The following DNAH10 variants were observed in gnomAD, a reference collection of about 807,000 sequenced individuals.
DNAH10 encodes axonemal beta dynein heavy chain 10.
A neutral mutation model predicts 506.6 loss-of-function variants in DNAH10; 348 were observed. That is an observed-to-expected ratio of 0.69 (90% CI 0.63 to 0.75). The LOEUF (loss-of-function observed/expected upper bound fraction) is 0.75. DNAH10 is among the 30% of genes least tolerant of loss of function. The pLI is 0.00. For synonymous variants in DNAH10, 2,059 were observed against 2,198.6 expected, an observed-to-expected ratio of 0.94 and a Z score of 1.78; for missense variants, 5,179 against 5,787.1, an observed-to-expected ratio of 0.89 and a Z score of 3.41.
chr12:123,921,999 G>C (rs1566107935), intron 65 of DNAH10, among the ~76,000 whole-genome samples: 1 of 151,922 alleles, frequency 6.6e-6, no homozygotes, highest in African/African-American at 2.4e-5. Flanking sequence ...ACAGATGTGA[G>C]CCACCACACC....
At chr12:123,855,679 C>T (rs981070695) in intron 36 of DNAH10, among the ~76,000 whole-genome samples, 12 of 149,824 alleles carry the variant, frequency 8.0e-5, no homozygotes, top group East Asian at 5.8e-4. Flanking sequence ...TATATATATG[C>T]GCACCTAAAG....
chr12:123,810,561 C>T (rs1446934158), intron 19 of DNAH10, among the ~76,000 whole-genome samples: 2 of 152,008 alleles, frequency 1.3e-5, no homozygotes, highest in Non-Finnish European at 2.9e-5. Context: ...GGCGTGGTGG[C>T]GGGCGCCTGT....
intron 46 of DNAH10, among the ~76,000 whole-genome samples, chr12:123,874,261 GTCCGTCCA>G (rs1254455690): frequency 4.5e-4 from 55 of 123,190 alleles, no homozygotes; most frequent in African/African-American, 1.8e-3. Context: ...GCCAGAGTCC[GTCCGTCCA>G]TCCATCCATC....
chr12:123,774,327 T>G, intron 5 of DNAH10, 63 bp downstream of exon 5: 1 of 1,300,370 alleles, frequency 7.7e-7, no homozygotes, highest in Non-Finnish European at 1.1e-6. Flanking sequence ...GGTTTGTTTA[T>G]TCCACAAATA....
Position 123,870,456 on chromosome 12 carries a change from C to G in DNAH10, c.7610C>G (p.Ala2537Gly), listed in dbSNP as rs781313776. ...AAATTAGTTCCAGAGTATATTCATG[C>G]CCCCGAGAGGAAATTCATCAACATC... ...WSKLVPEYIH[A>G]PERKFINILV... Residue 2537 changes from alanine to glycine, a missense_variant, in exon 44 of 79, where the codon GCC becomes GGC. By Grantham distance (60) the Ala-to-Gly change is moderately conservative. Transcript: ENST00000673944. 1.9e-6 allele frequency: 3 copies of G among 1,613,468 alleles called. No individual in the cohort carries two copies. Among genetic ancestry groups the G allele is most frequent in the African/African-American group, 1.3e-5 (1 of 74,852 alleles).
rs752672210 is a variant in DNAH10 at position 123,909,513 on chromosome 12, T to A, written c.9997+71T>A. On this transcript the variant is annotated intron_variant, in intron 58 of 78. Transcript: ENST00000673944. This position sits in a 1 kb window ranked among gnomAD's most constrained non-coding sequence, Gnocchi z 5.4. ...GGCATCTCAGGCTCTGGGACAGGGA[T>A]GGAGGGCAAGGAGGCTTGTCGTGGG... The A allele has an allele frequency of 2.0e-4, 293 of 1,480,524 alleles. No individual in the cohort carries two copies. The highest frequency in any genetic ancestry group is 2.6e-4 in the Non-Finnish European group (284 of 1,109,942). The allele number at this position is 1,480,524 out of a possible 1,614,324, so 91.7% of individuals were successfully genotyped here. A position where few individuals can be genotyped will look rare whatever the true frequency, so the allele number is the denominator to read the frequency against.
intron 35 of DNAH10, among the ~76,000 whole-genome samples, chr12:123,851,860 A>G (rs2136733686): frequency 6.6e-6 from 1 of 152,186 alleles, no homozygotes; most frequent in South Asian, 2.1e-4. Context: ...TGCAGCCTCA[A>G]ACTCCTGGGC....
At chr12:123,833,462 A>G (rs1960793773) in intron 27 of DNAH10, 115 bp downstream of exon 27, 14 of 781,358 alleles carry the variant, frequency 1.8e-5, no homozygotes, top group Non-Finnish European at 2.5e-5. Context: ...CTTAGAAACA[A>G]ATGATCCTCT....
chr12:123,868,064 T>G lies in DNAH10; in HGVS notation c.7464T>G (p.Ala2488=), dbSNP rs552211231. 1.9e-6 allele frequency: 3 copies of G among 1,613,954 alleles called. No individual in the cohort carries two copies. Among genetic ancestry groups the G allele is most frequent in the African/African-American group, 1.3e-5 (1 of 75,042 alleles). ...MKFDEYIKRL[A]SLSTVDTEGV... ...TTGACGAATATATCAAACGCCTTGC[T>G]TCTTTGTCTACTGTTGACACAGAAG... Residue 2488 remains alanine (A), a synonymous_variant, in exon 43 of 79, where the codon GCT becomes GCG. Coordinates refer to ENST00000673944, the MANE Select transcript of DNAH10 (RefSeq NM_001372106.1).
At chr12:123,915,031 C>A (rs542003847) in intron 62 of DNAH10, 32 bp downstream of exon 62, 2 of 1,577,748 alleles carry the variant, frequency 1.3e-6, no homozygotes, top group Non-Finnish European at 1.7e-6. Flanking sequence ...CGTCTTCTGC[C>A]CCCTATTCCT....
intron 35 of DNAH10, among the ~76,000 whole-genome samples, chr12:123,852,122 C>A (rs896382860): frequency 9.9e-5 from 15 of 152,114 alleles, no homozygotes; most frequent in African/African-American, 3.6e-4. Flanking sequence ...CTCCTGCAAC[C>A]CCTGATCTAT....
chr12:123,933,792 C>T (rs1955333522), intron 77 of DNAH10, among the ~76,000 whole-genome samples: 1 of 152,204 alleles, frequency 6.6e-6, no homozygotes, highest in Non-Finnish European at 1.5e-5. Context: ...GGCAAGTGGG[C>T]TCCTAGGTCA....
intron 28 of DNAH10, 32 bp from the exon 29 acceptor site, chr12:123,838,424 C>T (rs1395818452): frequency 6.3e-7 from 1 of 1,585,614 alleles, no homozygotes. Context: ...CCTGCTCACC[C>T]TGCTTGACGG....
chr12:123,875,686 T>C lies in DNAH10; in HGVS notation c.8199+195T>C, dbSNP rs149285219. On this transcript the variant is annotated intron_variant, in intron 47 of 78. Transcript: ENST00000673944. ...TATACGATGCCATTATAAAATGTAA[T>C]TGTAATGTATTTTTATGGAGGAAGA... 4.9e-3 allele frequency among the ~76,000 whole-genome samples: 747 copies of C among 152,232 alleles called. 6 individuals carry two copies. The highest frequency in any genetic ancestry group is 8.0e-3 in the Non-Finnish European group (545 of 68,008).
intron 11 of DNAH10, among the ~76,000 whole-genome samples, chr12:123,790,829 T>A (rs567267147): frequency 6.6e-6 from 1 of 152,234 alleles, no homozygotes; most frequent in East Asian, 1.9e-4. Flanking sequence ...AGGAATGATA[T>A]AGCCAGAATT....
At chr12:123,914,780 G>C (rs1954391028) in intron 61 of DNAH10, 72 bp from the exon 62 acceptor site, 2 of 1,551,862 alleles carry the variant, frequency 1.3e-6, no homozygotes, top group South Asian at 1.2e-5. Flanking sequence ...TGGAAGGCCA[G>C]TCCTACCACC....
chr12:123,774,743 G>T (rs1214586451), intron 5 of DNAH10, among the ~76,000 whole-genome samples: 1 of 152,222 alleles, frequency 6.6e-6, no homozygotes, highest in Non-Finnish European at 1.5e-5. Flanking sequence ...CCCTGGGCGG[G>T]CCAGGTGTTC....
In DNAH10 at chr12:123,820,598, T is replaced by C. The variant is rs926965441; in HGVS notation, c.4019T>C (p.Val1340Ala). Reference protein sequence around the residue: ...DLDKGVELLGVYERELARHEK... With the variant: ...DLDKGVELLGAYERELARHEK... ...TTACTAGGAGTAGAGCTTTTAGGTG[T>C]TTATGAAAGAGAGCTGGCAAGACAT... The change falls in exon 24 of 79, where the codon GTT becomes GCT. Residue 1340 changes from valine (V) to alanine (A), a missense_variant. Physicochemically the swap from Val to Ala is moderately conservative, Grantham distance 64. Transcript: ENST00000673944. The C allele has an allele frequency of 6.2e-7, 1 of 1,613,866 alleles. No homozygotes were observed. Among genetic ancestry groups the C allele is most frequent in the Non-Finnish European group, 8.5e-7 (1 of 1,179,864 alleles).
intron 66 of DNAH10, 169 bp from the exon 67 acceptor site, chr12:123,924,109 C>T (rs1209366942): frequency 5.5e-6 from 5 of 905,186 alleles, no homozygotes; most frequent in Non-Finnish European, 6.5e-6. Flanking sequence ...CTGCACTGAG[C>T]GCCTGGTTGG....
Sources: allele counts gnomAD v4.1 joint callset (sites outside exome capture counted in the v4.1 genomes callset), GRCh38; gene constraint gnomAD v4.1.1; non-coding constraint Gnocchi (gnomAD v3.1); transcripts MANE v1.5; gene names NCBI Gene and HGNC (gene_info 2026-07-23, HGNC 2026-07-21).